COL21A1: variants seen among roughly 807,000 people sequenced by gnomAD.
COL21A1 encodes the protein collagen type XXI alpha 1 chain.
COL21A1 carries 149 observed loss-of-function variants against 137.9 expected under a neutral mutation model. The ratio of observed to expected loss-of-function variants is 1.08; its 90% CI spans 0.95 to 1.24. The LOEUF (loss-of-function observed/expected upper bound fraction) is 1.24. Among genes scored for constraint, COL21A1 ranks in the 50% most tolerant of loss-of-function variants. The probability of loss-of-function intolerance (pLI) is 0.00; values close to 1 mark genes in which losing one functional copy is unlikely to be tolerated. For synonymous variants in COL21A1, 456 were observed against 391.5 expected (o/e 1.16, Z -1.95); for missense variants, 1,167 against 1,158.4 (o/e 1.01, Z -0.11).
At chr6:56,098,680 TATATATAA>T (rs1180088295) in intron 17 of COL21A1, among the ~76,000 whole-genome samples, 3 of 73,954 alleles carry the variant, frequency 4.1e-5, no homozygotes, top group Non-Finnish European at 7.4e-5. Context: ...TATATATAAA[TATATATAA>T]ATATATAAAT....
At chr6:56,130,057 G>A (rs1773396799) in intron 12 of COL21A1, among the ~76,000 whole-genome samples, 1 of 150,496 alleles carries the variant, frequency 6.6e-6, no homozygotes, top group Non-Finnish European at 1.5e-5. Context: ...ATGGTGTGGT[G>A]GAATGTGTTC....
chr6:56,269,692 T>C (rs1763479374), intron 1 of COL21A1, among the ~76,000 whole-genome samples: 1 of 137,060 alleles, frequency 7.3e-6, no homozygotes, highest in African/African-American at 2.8e-5. Flanking sequence ...AAGTGACAGG[T>C]CACTAACAAA....
intron 1 of COL21A1, among the ~76,000 whole-genome samples, chr6:56,335,035 G>C (rs1582790099): frequency 6.6e-6 from 1 of 152,004 alleles, no homozygotes; most frequent in African/African-American, 2.4e-5. Flanking sequence ...ATAGCAGCAG[G>C]AAAAAAAGAC....
intron 14 of COL21A1, among the ~76,000 whole-genome samples, chr6:56,125,043 C>T (rs1414449866): frequency 2.4e-4 from 22 of 92,328 alleles, no homozygotes; most frequent in African/African-American, 8.3e-4. Flanking sequence ...TTTTTTGAGA[C>T]GGAGTCTTGC....
intron 7 of COL21A1, chr6:56,166,647 A>G (rs1776601373): frequency 1.9e-6 from 1 of 524,250 alleles, no homozygotes; most frequent in Non-Finnish European, 3.4e-6. Context: ...GTGAGACTCC[A>G]AATCAAAACA....
At chr6:56,346,071 T>C (rs772547792) in intron 1 of COL21A1, among the ~76,000 whole-genome samples, 2 of 152,244 alleles carry the variant, frequency 1.3e-5, no homozygotes, top group Non-Finnish European at 2.9e-5. Context: ...ATTTTTTAAA[T>C]TATAATTTAT....
At chr6:56,361,453 G>A (rs1765962290) in intron 1 of COL21A1, among the ~76,000 whole-genome samples, 1 of 152,164 alleles carries the variant, frequency 6.6e-6, no homozygotes, top group Non-Finnish European at 1.5e-5. Context: ...TAAATGCTCA[G>A]TGACAAAGGA....
At chr6:56,319,797 T>C (rs915004780) in intron 1 of COL21A1, among the ~76,000 whole-genome samples, 5 of 152,194 alleles carry the variant, frequency 3.3e-5, no homozygotes, top group Non-Finnish European at 7.3e-5. Context: ...AATATATACC[T>C]GACAGGCTGT....
intron 1 of COL21A1, among the ~76,000 whole-genome samples, chr6:56,313,012 CAT>C (rs1224951074): frequency 6.6e-6 from 1 of 152,130 alleles, no homozygotes; most frequent in Non-Finnish European, 1.5e-5. Flanking sequence ...CCGCATAGCA[CAT>C]ATCTTTAATT....
intron 1 of COL21A1, among the ~76,000 whole-genome samples, chr6:56,266,616 A>G (rs1763397845): frequency 6.6e-6 from 1 of 152,270 alleles, no homozygotes; most frequent in South Asian, 2.1e-4. Flanking sequence ...TCTTTGAAAG[A>G]AAAGTACCTA....
rs868435192 is a variant in COL21A1 at position 56,064,623 on chromosome 6, C to T, written c.2128-1G>A. 1.3e-6 allele frequency: 2 copies of T among 1,578,772 alleles called. No homozygotes were observed. The highest frequency in any genetic ancestry group is 1.7e-6 in the Non-Finnish European group (2 of 1,161,116). On this transcript the variant is annotated splice_acceptor_variant, in intron 23 of 29. Coordinates refer to ENST00000244728, the MANE Select transcript of COL21A1 (RefSeq NM_030820.4). LOFTEE classifies it high-confidence loss of function. ...GTCTTCCATTTTCTCCCTTTTGACC[C>T]TTTAAAATAAAAAAAAACATTATTG...
At chr6:56,074,165 A>T (rs1007732354) in intron 20 of COL21A1, 67 bp downstream of exon 20, 4 of 1,160,736 alleles carry the variant, frequency 3.4e-6, no homozygotes, top group African/African-American at 1.6e-5. Context: ...TAAAATTTTC[A>T]TCAAAGTTAT....
intron 17 of COL21A1, among the ~76,000 whole-genome samples, chr6:56,093,594 C>T (rs752648047): frequency 5.9e-5 from 9 of 152,110 alleles, no homozygotes; most frequent in Non-Finnish European, 1.3e-4. Context: ...CCTAGGAATA[C>T]CCCTCTGGGC....
intron 1 of COL21A1, among the ~76,000 whole-genome samples, chr6:56,287,905 A>C (rs1391404586): frequency 1.3e-5 from 2 of 152,024 alleles, no homozygotes; most frequent in African/African-American, 4.8e-5. Context: ...TTGAAGATGG[A>C]GGGAGAGGTC....
intron 3 of COL21A1, among the ~76,000 whole-genome samples, chr6:56,178,573 T>C (rs1229274387): frequency 2.0e-5 from 3 of 152,084 alleles, no homozygotes; most frequent in Non-Finnish European, 4.4e-5. Context: ...GGAGTTTTTG[T>C]AGACAAACTA....
chr6:56,150,313 T>C (rs1471167929), intron 10 of COL21A1, among the ~76,000 whole-genome samples: 3 of 151,860 alleles, frequency 2.0e-5, no homozygotes, highest in Admixed American at 6.6e-5. Flanking sequence ...GGCCAGGAAA[T>C]CGAGACCATC....
intron 3 of COL21A1, 108 bp downstream of exon 3, chr6:56,179,470 C>T: frequency 1.4e-6 from 1 of 721,254 alleles, no homozygotes; most frequent in Non-Finnish European, 2.2e-6. Context: ...TTATAATTGA[C>T]ATTAAATATA....
intron 17 of COL21A1, among the ~76,000 whole-genome samples, chr6:56,085,859 C>G (rs1361183401): frequency 3.3e-5 from 5 of 150,228 alleles, no homozygotes; most frequent in Non-Finnish European, 7.4e-5. Context: ...ATATTTTTTT[C>G]AAGAGATATA....
At chr6:56,354,868 G>A (rs1765796735) in intron 1 of COL21A1, among the ~76,000 whole-genome samples, 1 of 152,086 alleles carries the variant, frequency 6.6e-6, no homozygotes, top group South Asian at 2.1e-4. Context: ...ATAAATAAAT[G>A]AGATGATATA....
Sources: allele counts gnomAD v4.1 joint callset (sites outside exome capture counted in the v4.1 genomes callset), GRCh38; gene constraint gnomAD v4.1.1; transcripts MANE v1.5; gene names NCBI Gene and HGNC (gene_info 2026-07-23, HGNC 2026-07-21).